Variants in TMA16 observed in about 807,000 individuals in gnomAD.
TMA16 encodes the protein translation machinery associated 16 homolog.
In TMA16, 26 loss-of-function variants were observed where a neutral mutation model predicts 27.1. The observed-to-expected ratio is 0.96, with a 90% confidence interval of 0.70 to 1.33. The LOEUF (loss-of-function observed/expected upper bound fraction) is 1.33, where lower values mean the gene tolerates loss of function less well. Among genes scored for constraint, TMA16 ranks in the 40% most tolerant of loss-of-function variants. The pLI is 0.00. For synonymous variants in TMA16, 71 were observed against 81.9 expected (o/e 0.87, Z 0.72); for missense variants, 233 against 241.4 (o/e 0.97, Z 0.23).
At chr4:163,500,105 A>G (rs978045258) in intron 1 of TMA16, among the ~76,000 whole-genome samples, 1 of 152,220 alleles carries the variant, frequency 6.6e-6, no homozygotes, top group African/African-American at 2.4e-5. Context: ...ATCTAATCCA[A>G]AAGTACATTT....
intron 1 of TMA16, among the ~76,000 whole-genome samples, chr4:163,503,761 A>G (rs766680146): frequency 3.3e-5 from 5 of 152,130 alleles, no homozygotes; most frequent in Non-Finnish European, 7.4e-5. Flanking sequence ...TTTATGATAG[A>G]GTTTTACTTT....
At chr4:163,511,613 C>T (rs760102257) in intron 2 of TMA16, among the ~76,000 whole-genome samples, 5 of 149,622 alleles carry the variant, frequency 3.3e-5, no homozygotes, top group South Asian at 4.2e-4. Flanking sequence ...GAGTTTGAGA[C>T]GAGCCTGGGT....
chr4:163,520,281 A>C lies in TMA16; in HGVS notation c.*767A>C, dbSNP rs1737951863. On this transcript the variant is annotated 3_prime_UTR_variant, in exon 7 of 7. Transcript: ENST00000358572. ...TGCTACTTTTTCTTCTAAGAGATAA[A>C]TTGATATATCATTCAGTGTCATGAA... 1 of 211,246 alleles carries C rather than the reference A, an allele frequency of 4.7e-6. No individual in the cohort carries two copies. Among genetic ancestry groups the C allele is most frequent in the Non-Finnish European group, 9.2e-6 (1 of 108,128 alleles). 13.1% of individuals were successfully genotyped at this position (211,246 alleles called of 1,614,324 possible).
intron 5 of TMA16, 142 bp from the exon 6 acceptor site, chr4:163,517,292 A>T (rs1005926028): frequency 1.3e-6 from 1 of 744,306 alleles, no homozygotes. Flanking sequence ...CCCCTTTTGC[A>T]AATTTTTCAT....
chr4:163,515,517 G>T, intron 5 of TMA16, 56 bp downstream of exon 5: 1 of 1,453,824 alleles, frequency 6.9e-7, no homozygotes, highest in East Asian at 2.4e-5. Flanking sequence ...ATCAATTTGT[G>T]ATTGATTTCA....
rs1323258668 is a variant in TMA16 at position 163,507,144 on chromosome 4, A to G, written c.115A>G (p.Lys39Glu). ...REAHKQEKKE[K>E]LKNEKALRLN... ...GGCCCACAAACAAGAAAAAAAGGAA[A>G]AGTAAGTATCTTTTCATCATTTGTA... Residue 39 changes from lysine to glutamate, a missense_variant and splice_region_variant, in exon 2 of 7, where the codon AAA becomes GAA. Transcript: ENST00000358572. The G allele has an allele frequency of 2.6e-6, 4 of 1,566,896 alleles. No individual in the cohort carries two copies. The highest frequency in any genetic ancestry group is 3.5e-6 in the Non-Finnish European group (4 of 1,154,330).
At chr4:163,505,099 T>C (rs1331427971) in intron 1 of TMA16, among the ~76,000 whole-genome samples, 2 of 152,206 alleles carry the variant, frequency 1.3e-5, no homozygotes, top group Non-Finnish European at 2.9e-5. Flanking sequence ...CCAGCCCACA[T>C]TCAAAAGGAG....
At chr4:163,495,594 A>G (rs112057265) in intron 1 of TMA16, among the ~76,000 whole-genome samples, 16 of 152,328 alleles carry the variant, frequency 1.1e-4, no homozygotes, top group African/African-American at 3.6e-4. Context: ...TGTGTTCTTG[A>G]GAGTAATTCT....
intron 3 of TMA16, 136 bp downstream of exon 3, chr4:163,512,995 C>G (rs1737820213): frequency 1.8e-6 from 1 of 561,058 alleles, no homozygotes; most frequent in Non-Finnish European, 3.0e-6. Flanking sequence ...CTAAACAAAG[C>G]AAATCAATCA....
At chr4:163,502,698 T>C (rs1300273472) in intron 1 of TMA16, among the ~76,000 whole-genome samples, 2 of 152,202 alleles carry the variant, frequency 1.3e-5, no homozygotes, top group Non-Finnish European at 2.9e-5. Flanking sequence ...GAAGCGCTAA[T>C]TAATTATTTG....
Position 163,519,566 on chromosome 4 carries a change from C to T in TMA16, c.*52C>T, listed in dbSNP as rs757363550. ...TAATTTGAGAGCTTCAAATTATATTCATTGATTATGGTACCTAATTGTCAT... is the reference window on the plus strand; with the variant it reads ...TAATTTGAGAGCTTCAAATTATATTTATTGATTATGGTACCTAATTGTCAT... On this transcript the variant is annotated 3_prime_UTR_variant, in exon 7 of 7. Coordinates refer to ENST00000358572, the MANE Select transcript of TMA16 (RefSeq NM_018352.3). 173 of 1,454,286 alleles carry T rather than the reference C, an allele frequency of 1.2e-4. No individual in the cohort carries two copies. The highest frequency in any genetic ancestry group is 1.5e-4 in the Non-Finnish European group (168 of 1,097,174). The allele number at this position is 1,454,286 out of a possible 1,614,324, so 90.1% of individuals were successfully genotyped here. A position where few individuals can be genotyped will look rare whatever the true frequency, so the allele number is the denominator to read the frequency against.
intron 6 of TMA16, 102 bp downstream of exon 6, chr4:163,517,578 G>C: frequency 8.7e-7 from 1 of 1,148,440 alleles, no homozygotes; most frequent in East Asian, 2.5e-5. Flanking sequence ...AAAGAAAATC[G>C]GGTTTCTTTT....
intron 1 of TMA16, among the ~76,000 whole-genome samples, chr4:163,504,959 C>G (rs1355127847): frequency 6.6e-6 from 1 of 152,202 alleles, no homozygotes; most frequent in Non-Finnish European, 1.5e-5. Context: ...CATATGGCAG[C>G]TCACTACAGG....
At position 163,512,852 on chromosome 4, in the gene TMA16, C is replaced by T. The variant is rs747108765; in HGVS notation, c.147C>T (p.Asn49=). 13 of 1,606,774 alleles carry T rather than the reference C, an allele frequency of 8.1e-6. No homozygotes were observed. Among genetic ancestry groups the T allele is most frequent in the East Asian group, 6.7e-5 (3 of 44,736 alleles). The stretch of plus-strand genomic sequence containing the variant: ...AGAATGAAAAGGCCTTGCGTCTCAA[C>T]CTTGTTGGTAAGTGGGTTTACTTAT... ...KLKNEKALRL[N]LVGEKLQWFQ... The change falls in exon 3 of 7, where the codon AAC becomes AAT. Residue 49 remains asparagine (N), a synonymous_variant. Coordinates refer to ENST00000358572, the MANE Select transcript of TMA16 (RefSeq NM_018352.3).
At chr4:163,502,018 T>A (rs984726499) in intron 1 of TMA16, among the ~76,000 whole-genome samples, 1 of 152,162 alleles carries the variant, frequency 6.6e-6, no homozygotes, top group Non-Finnish European at 1.5e-5. Flanking sequence ...GCCTCAGTGC[T>A]TATCCTAGTA....
rs202079532 is a variant in TMA16 at position 163,515,420 on chromosome 4, C to T, written c.347C>T (p.Thr116Met). 9 of 1,613,838 alleles carry T rather than the reference C, an allele frequency of 5.6e-6. No homozygotes were observed. The Admixed American group carries it at 8.3e-5, about 15-fold the overall frequency. The change falls in exon 5 of 7, where the codon ACG becomes ATG. Residue 116 changes from threonine to methionine, a missense_variant. Thr to Met is a moderately conservative substitution (Grantham distance 81). Transcript: ENST00000358572. ...TCCCGGGAGACCGTCATCAAGCAGA[C>T]GATGGAGCGGGAGCGACAGCAGTTT... ...HCSRETVIKQ[T>M]MERERQQFEG...
At position 163,513,257 on chromosome 4, in the gene TMA16, CT is replaced by C. The variant is rs1465350675; in HGVS notation, c.154+399del. Among the ~76,000 whole-genome samples, 11 of 152,264 alleles carry C rather than the reference CT, an allele frequency of 7.2e-5. No homozygotes were observed. The South Asian group carries it at 2.3e-3, about 32-fold the overall frequency. On this transcript the variant is annotated intron_variant, in intron 3 of 6. Coordinates refer to ENST00000358572, the MANE Select transcript of TMA16 (RefSeq NM_018352.3). ...CAGTTTGTATCTCAGTGTCATGTCACTGTTTTTTTGGTCAGATTTATTGCTA... is the reference window on the plus strand; with the variant it reads ...CAGTTTGTATCTCAGTGTCATGTCACGTTTTTTTGGTCAGATTTATTGCTA...
rs1343973698 is a variant in TMA16, at chr4:163,515,462, G to A, written c.388+1G>A. 1.2e-6 allele frequency: 2 copies of A among 1,606,494 alleles called. No individual in the cohort carries two copies. Among genetic ancestry groups the A allele is most frequent in the Non-Finnish European group, 1.7e-6 (2 of 1,177,840 alleles). On this transcript the variant is annotated splice_donor_variant, in intron 5 of 6. Transcript: ENST00000358572. LOFTEE classifies it high-confidence loss of function. ...CAGCAGTTTGAGGGATATGGCCTTG[G>A]TGTGCTCACTGATTTTTTATTTTCC...
rs532306471 is a variant in TMA16, at chr4:163,515,690, G to A, written c.388+229G>A. The A allele has an allele frequency of 4.9e-5, 22 of 452,980 alleles. 1 individual carries two copies. The highest frequency in any genetic ancestry group is 2.6e-4 in the South Asian group (10 of 38,120). The allele number at this position is 452,980 out of a possible 1,614,324, so 28.1% of individuals were successfully genotyped here. ...GATGTGACATCATGTCTTTTTTACC[G>A]TGATAGTAATACTGATTACTTTCAC... On this transcript the variant is annotated intron_variant, in intron 5 of 6. Coordinates refer to ENST00000358572, the MANE Select transcript of TMA16 (RefSeq NM_018352.3).
Sources: allele counts gnomAD v4.1 joint callset (sites outside exome capture counted in the v4.1 genomes callset), GRCh38; gene constraint gnomAD v4.1.1; transcripts MANE v1.5; gene names NCBI Gene and HGNC (gene_info 2026-07-23, HGNC 2026-07-21).